Variants in SVIL observed in about 807,000 individuals in gnomAD.
The protein encoded by SVIL is archvillin.
Under a neutral mutation model 240.4 loss-of-function variants are expected in SVIL, and 101 were observed. The observed-to-expected ratio is 0.42, with a 90% confidence interval of 0.36 to 0.50. SVIL has a LOEUF of 0.50. SVIL is among the 20% of genes least tolerant of loss of function. SVIL has a pLI of 0.01. For missense variants in SVIL, 2,512 were observed against 2,818.7 expected (o/e 0.89, Z 2.46); for synonymous variants, 999 against 1,100.0 (o/e 0.91, Z 1.82).
intron 6 of SVIL, among the ~76,000 whole-genome samples, chr10:29,539,200 C>G (rs551452387): frequency 7.4e-6 from 1 of 134,820 alleles, no homozygotes; most frequent in Non-Finnish European, 1.6e-5. Context: ...AATAAATAAA[C>G]AAACAAAGTA....
intron 13 of SVIL, 101 bp downstream of exon 13, chr10:29,526,860 C>G (rs999886970): frequency 1.0e-6 from 1 of 1,001,224 alleles, no homozygotes; most frequent in Non-Finnish European, 1.4e-6. Flanking sequence ...ACGGCATTGA[C>G]TTGTTTGTCA....
chr10:29,531,954 G>A lies in SVIL; in HGVS notation c.2009+48C>T, dbSNP rs201034679. 129 of 1,602,772 alleles carry A rather than the reference G, an allele frequency of 8.0e-5. 2 individuals are homozygous for A. In the East Asian group the frequency reaches 2.8e-3, roughly 35 times the overall value. Reference sequence around the variant, plus strand: ...ACCGTCAGTGTGGTAAAACTCCTGTGTCATTGCCACGTTCCTGGATGAGGA... The same window carrying A: ...ACCGTCAGTGTGGTAAAACTCCTGTATCATTGCCACGTTCCTGGATGAGGA... On this transcript the variant is annotated intron_variant, in intron 9 of 37. Coordinates refer to ENST00000355867, the MANE Select transcript of SVIL (RefSeq NM_021738.3).
intron 1 of SVIL, among the ~76,000 whole-genome samples, chr10:29,718,875 C>T (rs1039950072): frequency 3.9e-5 from 6 of 152,058 alleles, no homozygotes; most frequent in African/African-American, 7.2e-5. Flanking sequence ...TTTGGGAGGC[C>T]GAGGTGGGCA....
rs12775779 is a variant in SVIL, at chr10:29,512,919, G to A, written c.3390-58C>T. ...CAGCACCAAACTCTTCCTTGTGATG[G>A]AACCATAATCTAGGTAAGAGAGGCG... On this transcript the variant is annotated intron_variant, in intron 16 of 37. Transcript: ENST00000355867. The A allele has an allele frequency of 0.3, 473,752 of 1,580,230 alleles. 73,776 individuals are homozygous for A. The highest frequency in any genetic ancestry group is 0.32 in the Non-Finnish European group (378,645 of 1,166,448).
In SVIL at chr10:29,624,303, C is replaced by T. The variant is rs984411047; in HGVS notation, c.-201+10117G>A. Among the ~76,000 whole-genome samples, 4 of 152,134 alleles carry T rather than the reference C, an allele frequency of 2.6e-5. No individual in the cohort carries two copies. The East Asian group carries it at 5.8e-4, about 22-fold the overall frequency. On this transcript the variant is annotated intron_variant, in intron 1 of 37. Transcript: ENST00000355867. ...ATGTAATCCCAACCCTCTGGGAGGCCGAGGTGGGTGGATCACCTGAGGTCA... is the reference window on the plus strand; with the variant it reads ...ATGTAATCCCAACCCTCTGGGAGGCTGAGGTGGGTGGATCACCTGAGGTCA...
intron 6 of SVIL, among the ~76,000 whole-genome samples, chr10:29,548,935 G>T (rs1952949197): frequency 6.6e-6 from 1 of 152,166 alleles, no homozygotes; most frequent in African/African-American, 2.4e-5. Context: ...TTTTTAAAAC[G>T]AACATAAGAC....
At chr10:29,491,766 G>A (rs1045040346) in intron 21 of SVIL, among the ~76,000 whole-genome samples, 2 of 152,120 alleles carry the variant, frequency 1.3e-5, no homozygotes, top group Non-Finnish European at 2.9e-5. Context: ...ACGTACCATG[G>A]TGTCATATGT....
chr10:29,636,295 A>C (rs1958308589), upstream of SVIL, among the ~76,000 whole-genome samples: 1 of 152,166 alleles, frequency 6.6e-6, no homozygotes, highest in African/African-American at 2.4e-5. Context: ...CCCTAGAGAA[A>C]AGTAGGGCAA....
intron 3 of SVIL, chr10:29,647,199 C>T (rs1958687065): frequency 6.6e-6 from 1 of 152,240 alleles, no homozygotes; most frequent in African/African-American, 2.4e-5. Flanking sequence ...CTGAAACCTT[C>T]AAGAAGTACA....
Position 29,474,010 on chromosome 10 carries a change from A to G in SVIL, c.5378-21T>C, listed in dbSNP as rs1483669682. The stretch of plus-strand genomic sequence containing the variant: ...TCCCACTGCAAACACAGAATGGCAG[A>G]GGGACAGGTCAGCAGCTGAGACACC... On this transcript the variant is annotated intron_variant, in intron 29 of 37. Coordinates refer to ENST00000355867, the MANE Select transcript of SVIL (RefSeq NM_021738.3). 3.1e-6 allele frequency: 5 copies of G among 1,610,388 alleles called. No individual in the cohort carries two copies. In the African/African-American group the frequency reaches 6.7e-5, roughly 21 times the overall value.
At chr10:29,476,562 T>C (rs1946214527) in intron 29 of SVIL, among the ~76,000 whole-genome samples, 1 of 151,832 alleles carries the variant, frequency 6.6e-6, no homozygotes, top group Admixed American at 6.6e-5. Context: ...GCCACCATGC[T>C]GGGCTCATTT....
At chr10:29,595,664 C>T (rs1467999582) in intron 1 of SVIL, among the ~76,000 whole-genome samples, 1 of 152,092 alleles carries the variant, frequency 6.6e-6, no homozygotes, top group Admixed American at 6.5e-5. Context: ...TACATATGGC[C>T]CAGGGGAAAG....
At chr10:29,667,227 T>C (rs1959375970) in intron 2 of SVIL, among the ~76,000 whole-genome samples, 1 of 152,158 alleles carries the variant, frequency 6.6e-6, no homozygotes, top group African/African-American at 2.4e-5. Flanking sequence ...CACTAAAATA[T>C]GGAAACAATC....
intron 13 of SVIL, among the ~76,000 whole-genome samples, chr10:29,526,442 T>C (rs957740685): frequency 2.0e-5 from 3 of 151,850 alleles, no homozygotes; most frequent in African/African-American, 7.3e-5. Flanking sequence ...GTAGCTAGGA[T>C]TACTGGCACA....
chr10:29,470,479 C>G lies in SVIL; in HGVS notation c.5640G>C (p.Glu1880Asp). 1 of 1,614,112 alleles carries G rather than the reference C, an allele frequency of 6.2e-7. No individual in the cohort carries two copies. The highest frequency in any genetic ancestry group is 8.5e-7 in the Non-Finnish European group (1 of 1,180,036). Residue 1880 changes from glutamate to aspartate, a missense_variant, in exon 32 of 38, where the codon GAG becomes GAC. This residue lies in a region of SVIL where 797 missense variants were observed against 925.3 expected (regional missense o/e 0.86). Transcript: ENST00000355867. ...REEEEENVQS[E>D]WRLYCVRGEV... ...CTCCACGCACGCAGTACAGCCGCCA[C>G]TCACCTGCAGGGGGCACCGGCGGCG...
At position 29,524,573 on chromosome 10, in the gene SVIL, C is replaced by T; in HGVS notation, c.2485G>A (p.Val829Ile). 6.2e-7 allele frequency: 1 copy of T among 1,614,148 alleles called. No homozygotes were observed. Among genetic ancestry groups the T allele is most frequent in the Non-Finnish European group, 8.5e-7 (1 of 1,180,042 alleles). The change falls in exon 14 of 38, where the codon GTC becomes ATC. Residue 829 changes from valine (V) to isoleucine (I), a missense_variant. By Grantham distance (29) the Val-to-Ile change is conservative. This residue lies in a region of SVIL where 1,443 missense variants were observed against 1,486.6 expected (regional missense o/e 0.97). Coordinates refer to ENST00000355867, the MANE Select transcript of SVIL (RefSeq NM_021738.3). The stretch of plus-strand genomic sequence containing the variant: ...TTCCGGGTAGAAATCGCTTTTGAGA[C>T]TGGCTGGGACAATTTGTTAAACAAG... ...LALFNKLSQP[V>I]SKAISTRNRI...
intron 1 of SVIL, among the ~76,000 whole-genome samples, chr10:29,594,190 A>C (rs1956494350): frequency 6.6e-6 from 1 of 152,248 alleles, no homozygotes; most frequent in African/African-American, 2.4e-5. Flanking sequence ...TACATGAAAC[A>C]TAAAAGAATT....
intron 1 of SVIL, among the ~76,000 whole-genome samples, chr10:29,700,050 T>C (rs1180940016): frequency 6.6e-6 from 1 of 152,192 alleles, no homozygotes. Flanking sequence ...AAGTAAGATA[T>C]GACACACTAG....
At position 29,735,516 on chromosome 10, in the gene SVIL, T is replaced by C. The variant is rs1338813295; in HGVS notation, c.-400+235A>G. On this transcript the variant is annotated intron_variant, in intron 1 of 35. Transcript: ENST00000375400. This position sits in a 1 kb window ranked among gnomAD's most constrained non-coding sequence, Gnocchi z 4.1. ...GGCCGCGCCGCGCCTTTGTTACGGC[T>C]CGGGGACCCCGCGGGCCGAGCGCAG... Among the ~76,000 whole-genome samples, 1 of 149,618 alleles carries C rather than the reference T, an allele frequency of 6.7e-6. No homozygotes were observed. Among genetic ancestry groups the C allele is most frequent in the Non-Finnish European group, 1.5e-5 (1 of 67,194 alleles).
Sources: allele counts gnomAD v4.1 joint callset (sites outside exome capture counted in the v4.1 genomes callset), GRCh38; gene constraint gnomAD v4.1.1; regional missense constraint gnomAD v4.1.1; non-coding constraint Gnocchi (gnomAD v3.1); transcripts MANE v1.5; gene names NCBI Gene and HGNC (gene_info 2026-07-23, HGNC 2026-07-21).